Variants in SLC24A2 observed in about 807,000 individuals in gnomAD.
The protein encoded by SLC24A2 is sodium/potassium/calcium exchanger 2.
Under a neutral mutation model 62.0 loss-of-function variants are expected in SLC24A2, and 36 were observed. The ratio of observed to expected loss-of-function variants is 0.58; its 90% confidence interval spans 0.44 to 0.77. The LOEUF is 0.77. Among genes scored for constraint, SLC24A2 ranks in the 30% least tolerant of loss-of-function variants. The probability of loss-of-function intolerance (pLI) is 0.00; values close to 1 mark genes in which losing one functional copy is unlikely to be tolerated. For synonymous variants in SLC24A2, 358 were observed against 294.0 expected, an observed-to-expected ratio of 1.22 and a Z score of -2.23; for missense variants, 846 against 817.9, an observed-to-expected ratio of 1.03 and a Z score of -0.42.
At chr9:20,004,068 C>T in the SLC24A2 span, among the ~76,000 whole-genome samples, 1 of 152,208 alleles carries the variant, frequency 6.6e-6, no homozygotes, top group Middle Eastern at 3.4e-3. Flanking sequence ...GAGAGATTTT[C>T]TCAGCCTTGA....
At chr9:20,286,503 T>G in the SLC24A2 span, among the ~76,000 whole-genome samples, 1 of 152,216 alleles carries the variant, frequency 6.6e-6, no homozygotes, top group Admixed American at 6.5e-5. Context: ...CAACTCAGTT[T>G]CTCTTTTAAA....
chr9:19,893,955 C>G, the SLC24A2 span, among the ~76,000 whole-genome samples: 1 of 152,166 alleles, frequency 6.6e-6, no homozygotes, highest in African/African-American at 2.4e-5. Context: ...ATTTCCACTT[C>G]TCTTAAGGAC....
chr9:20,032,595 T>C, the SLC24A2 span, among the ~76,000 whole-genome samples: 1 of 152,232 alleles, frequency 6.6e-6, no homozygotes, highest in African/African-American at 2.4e-5. Context: ...GGTAACTATG[T>C]TCCTTCACAT....
At chr9:20,074,602 GAAAGA>G in the SLC24A2 span, among the ~76,000 whole-genome samples, 2 of 42,980 alleles carry the variant, frequency 4.7e-5, no homozygotes, top group Non-Finnish European at 8.9e-5. Flanking sequence ...AGGAAGGAAG[GAAAGA>G]AGGGAGTGAG....
At chr9:19,696,887 G>C (rs1371140348) in intron 2 of SLC24A2, among the ~76,000 whole-genome samples, 1 of 152,004 alleles carries the variant, frequency 6.6e-6, no homozygotes, top group Admixed American at 6.6e-5. Flanking sequence ...TTTTAGAATT[G>C]AGTTTTTCTT....
the SLC24A2 span, among the ~76,000 whole-genome samples, chr9:19,898,982 G>A: frequency 6.6e-6 from 1 of 152,134 alleles, no homozygotes; most frequent in Non-Finnish European, 1.5e-5. Context: ...CTAGCAGCAA[G>A]CCTGCTGCAG....
chr9:19,838,905 T>C, the SLC24A2 span, among the ~76,000 whole-genome samples: 2 of 151,718 alleles, frequency 1.3e-5, no homozygotes, highest in Non-Finnish European at 2.9e-5. Context: ...CTAATTAAAC[T>C]AAAGAGCTTC....
At chr9:19,790,868 G>A (rs1823311744), upstream of SLC24A2, among the ~76,000 whole-genome samples, 1 of 152,146 alleles carries the variant, frequency 6.6e-6, no homozygotes, top group African/African-American at 2.4e-5. Flanking sequence ...ATGTCTAGAA[G>A]AGTTTTTCTT....
the SLC24A2 span, among the ~76,000 whole-genome samples, chr9:20,092,001 G>A: frequency 6.6e-6 from 1 of 152,232 alleles, no homozygotes; most frequent in Non-Finnish European, 1.5e-5. Flanking sequence ...ACAGAAAACC[G>A]AATACCACCT....
chr9:19,619,467 AAAC>A, intron 4 of SLC24A2, 114 bp downstream of exon 4: 1 of 843,380 alleles, frequency 1.2e-6, no homozygotes, highest in Non-Finnish European at 2.1e-6. Context: ...GGCAGAAGCT[AAAC>A]AAGAGGAGGC....
At chr9:19,643,507 G>A (rs1332240021) in intron 2 of SLC24A2, among the ~76,000 whole-genome samples, 1 of 152,154 alleles carries the variant, frequency 6.6e-6, no homozygotes, top group Non-Finnish European at 1.5e-5. Flanking sequence ...TGTATGCAGG[G>A]TGTTTGCTAT....
chr9:19,973,142 A>G, the SLC24A2 span, among the ~76,000 whole-genome samples: 3 of 152,220 alleles, frequency 2.0e-5, no homozygotes. Context: ...GTTTGAGGCC[A>G]GCCTGGGCAA....
chr9:20,114,179 A>G, the SLC24A2 span, among the ~76,000 whole-genome samples: 1 of 152,016 alleles, frequency 6.6e-6, no homozygotes, highest in African/African-American at 2.4e-5. Flanking sequence ...AGGAACCCCC[A>G]TTTCCACTCC....
chr9:20,054,454 A>C, the SLC24A2 span, among the ~76,000 whole-genome samples: 12 of 152,214 alleles, frequency 7.9e-5, no homozygotes, highest in African/African-American at 2.9e-4. Flanking sequence ...GGTCTCCCAA[A>C]GTGCTGGAAT....
chr9:20,205,591 C>T, the SLC24A2 span, among the ~76,000 whole-genome samples: 1 of 137,166 alleles, frequency 7.3e-6, no homozygotes, highest in Non-Finnish European at 1.5e-5. Flanking sequence ...GCAGAGCTTG[C>T]AGTGAGCCAA....
intron 2 of SLC24A2, among the ~76,000 whole-genome samples, chr9:19,732,284 G>A (rs1821363042): frequency 6.6e-6 from 1 of 152,066 alleles, no homozygotes; most frequent in South Asian, 2.1e-4. Flanking sequence ...AGAGGCAGAG[G>A]TTGTGGGATT....
At chr9:19,782,280 G>T (rs1042012850) in intron 2 of SLC24A2, among the ~76,000 whole-genome samples, 3 of 152,126 alleles carry the variant, frequency 2.0e-5, no homozygotes, top group Non-Finnish European at 4.4e-5. Flanking sequence ...TTCACATCCT[G>T]CAGGATTCAA....
chr9:20,090,825 A>C, the SLC24A2 span, among the ~76,000 whole-genome samples: 1 of 152,234 alleles, frequency 6.6e-6, no homozygotes, highest in African/African-American at 2.4e-5. Flanking sequence ...CAACTGTACA[A>C]GTTCTCCAAA....
At chr9:20,257,988 G>T in the SLC24A2 span, among the ~76,000 whole-genome samples, 33 of 152,280 alleles carry the variant, frequency 2.2e-4, no homozygotes, top group African/African-American at 7.9e-4. Context: ...GAAGAGCAAG[G>T]TGAGTGCTGA....
Sources: allele counts gnomAD v4.1 joint callset (sites outside exome capture counted in the v4.1 genomes callset), GRCh38; gene constraint gnomAD v4.1.1; transcripts MANE v1.5; gene names NCBI Gene and HGNC (gene_info 2026-07-23, HGNC 2026-07-21).